Variants in SEMA6D observed in about 807,000 individuals in gnomAD.
SEMA6D encodes the protein semaphorin-6D.
SEMA6D carries 35 observed loss-of-function variants against 106.6 expected under a neutral mutation model. That is an observed-to-expected ratio of 0.33 (90% CI 0.25 to 0.44). The LOEUF is 0.44. SEMA6D is among the 20% of genes least tolerant of loss of function. The probability of loss-of-function intolerance (pLI) is 1.00; values close to 1 mark genes in which losing one functional copy is unlikely to be tolerated. For missense variants in SEMA6D, 1,185 were observed against 1,345.9 expected (o/e 0.88, Z 1.87); for synonymous variants, 499 against 487.7 (o/e 1.02, Z -0.31).
chr15:47,498,283 T>C (rs768341074), intron 3 of SEMA6D, among the ~76,000 whole-genome samples: 1 of 152,142 alleles, frequency 6.6e-6, no homozygotes, highest in Non-Finnish European at 1.5e-5. Context: ...GTAGAACTTA[T>C]ACCTTATTCC....
intron 3 of SEMA6D, among the ~76,000 whole-genome samples, chr15:47,513,228 A>G (rs899341609): frequency 6.6e-6 from 1 of 152,122 alleles, no homozygotes; most frequent in Non-Finnish European, 1.5e-5. Context: ...ACACAGGCAG[A>G]TTGATTTGTA....
intron 1 of SEMA6D, chr15:47,399,563 T>C (rs1310505185): frequency 6.6e-6 from 1 of 152,190 alleles, no homozygotes; most frequent in African/African-American, 2.4e-5. Flanking sequence ...AGGATTTGCT[T>C]TTGGTGGCTT....
At chr15:47,534,066 G>T (rs1202598946) in intron 3 of SEMA6D, among the ~76,000 whole-genome samples, 2 of 152,112 alleles carry the variant, frequency 1.3e-5, no homozygotes, top group African/African-American at 4.8e-5. Flanking sequence ...ATAATGCTTT[G>T]TGGCACAGAT....
At chr15:47,492,656 C>CT (rs2043509154) in intron 3 of SEMA6D, among the ~76,000 whole-genome samples, 1 of 152,024 alleles carries the variant, frequency 6.6e-6, no homozygotes, top group South Asian at 2.1e-4. Flanking sequence ...TAAAATTGTA[C>CT]TTAGGATGAT....
chr15:47,202,533 C>T (rs1311809392), intron 1 of SEMA6D, among the ~76,000 whole-genome samples: 1 of 152,100 alleles, frequency 6.6e-6, no homozygotes, highest in African/African-American at 2.4e-5. Context: ...GACACCACGC[C>T]TCCTCCCAAG....
At chr15:47,770,054 A>T (rs1014917488) in intron 18 of SEMA6D, among the ~76,000 whole-genome samples, 2 of 152,214 alleles carry the variant, frequency 1.3e-5, no homozygotes, top group Non-Finnish European at 2.9e-5. Flanking sequence ...TAATTATTTT[A>T]GCATATGTTT....
At chr15:47,545,030 A>C (rs2045475122) in intron 3 of SEMA6D, among the ~76,000 whole-genome samples, 1 of 152,122 alleles carries the variant, frequency 6.6e-6, no homozygotes, top group South Asian at 2.1e-4. Context: ...GGGAATTGCT[A>C]TGTAAGAAAT....
At chr15:47,277,926 T>G (rs2034913087) in intron 1 of SEMA6D, among the ~76,000 whole-genome samples, 1 of 151,816 alleles carries the variant, frequency 6.6e-6, no homozygotes, top group South Asian at 2.1e-4. Context: ...TCCATGTCCC[T>G]ACAAAGGACA....
intron 1 of SEMA6D, among the ~76,000 whole-genome samples, chr15:47,727,497 G>A (rs1414399765): frequency 1.3e-5 from 2 of 152,148 alleles, no homozygotes; most frequent in African/African-American, 4.8e-5. Context: ...ATCCAAACAA[G>A]GTGCTAGACC....
chr15:47,478,452 T>G (rs1186581372), intron 3 of SEMA6D, among the ~76,000 whole-genome samples: 3 of 152,216 alleles, frequency 2.0e-5, no homozygotes, highest in Non-Finnish European at 4.4e-5. Flanking sequence ...AAAGTTCTTG[T>G]CTGCGTGGTT....
At position 47,327,019 on chromosome 15, in the gene SEMA6D, A is replaced by G. The variant is rs1001207093; in HGVS notation, c.-238-85374A>G. Among the ~76,000 whole-genome samples, 18 of 152,160 alleles carry G rather than the reference A, an allele frequency of 1.2e-4. 1 individual carries two copies. Among genetic ancestry groups the G allele is most frequent in the Non-Finnish European group, 8.8e-5 (6 of 68,032 alleles). On this transcript the variant is annotated intron_variant, in intron 1 of 19. Transcript: ENST00000558014. ...CTGGACAGTAGAAGTCAGCCCAGAG[A>G]CAGGTGAGACTGTGCATCTTGGATG... is the stretch of plus-strand genomic sequence containing the variant.
At chr15:47,348,718 CCACACACACAGAG>C (rs2038167703) in intron 1 of SEMA6D, among the ~76,000 whole-genome samples, 11 of 48,008 alleles carry the variant, frequency 2.3e-4, no homozygotes, top group African/African-American at 6.6e-4. Flanking sequence ...CACACACACA[CCACACACACAGAG>C]AGAGAGAGAG....
At chr15:47,428,849 A>G (rs990206677) in intron 2 of SEMA6D, among the ~76,000 whole-genome samples, 2 of 152,040 alleles carry the variant, frequency 1.3e-5, no homozygotes, top group Admixed American at 6.6e-5. Context: ...TGTATTGTCA[A>G]TACTCAGGTA....
At chr15:47,720,028 GT>G (rs974165194) in intron 1 of SEMA6D, among the ~76,000 whole-genome samples, 3 of 152,148 alleles carry the variant, frequency 2.0e-5, no homozygotes, top group African/African-American at 7.2e-5. Context: ...GCTGAGTTTT[GT>G]TTTTTATAGT....
intron 3 of SEMA6D, among the ~76,000 whole-genome samples, chr15:47,528,592 C>T (rs2044840930): frequency 6.6e-6 from 1 of 152,132 alleles, no homozygotes; most frequent in African/African-American, 2.4e-5. Flanking sequence ...GCATGTAGTC[C>T]TGATATGCAT....
intron 1 of SEMA6D, among the ~76,000 whole-genome samples, chr15:47,342,970 C>T (rs1479889804): frequency 6.6e-6 from 1 of 152,212 alleles, no homozygotes; most frequent in African/African-American, 2.4e-5. Flanking sequence ...GCCTCAACTT[C>T]CCAAAGTGCT....
chr15:47,474,554 A>G (rs2042949319), intron 3 of SEMA6D, among the ~76,000 whole-genome samples: 1 of 152,218 alleles, frequency 6.6e-6, no homozygotes, highest in East Asian at 1.9e-4. Flanking sequence ...GATTCTTCTC[A>G]AAGCGTCTTG....
chr15:47,610,355 C>T (rs1278696629), intron 4 of SEMA6D, among the ~76,000 whole-genome samples: 2 of 152,190 alleles, frequency 1.3e-5, no homozygotes, highest in Non-Finnish European at 2.9e-5. Flanking sequence ...ACTGGACCAC[C>T]ACATAAGTTC....
chr15:47,496,639 T>C (rs967776706), intron 3 of SEMA6D, among the ~76,000 whole-genome samples: 7 of 152,120 alleles, frequency 4.6e-5, no homozygotes, highest in African/African-American at 1.4e-4. Context: ...TGTTGAGAAA[T>C]GTTGAGAAAA....
Sources: allele counts gnomAD v4.1 joint callset (sites outside exome capture counted in the v4.1 genomes callset), GRCh38; gene constraint gnomAD v4.1.1; transcripts MANE v1.5; gene names NCBI Gene and HGNC (gene_info 2026-07-23, HGNC 2026-07-21).